The following USH2A variants were observed in gnomAD, a reference collection of about 807,000 sequenced individuals.
The protein encoded by USH2A is usherin, also known as Usher syndrome 2A (autosomal recessive, mild).
USH2A carries 443 observed loss-of-function variants against 538.9 expected under a neutral mutation model. That is an observed-to-expected ratio of 0.82 (90% CI 0.76 to 0.89). The LOEUF (loss-of-function observed/expected upper bound fraction) is 0.89, where lower values mean the gene tolerates loss of function less well. USH2A is among the 40% of genes least tolerant of loss of function. USH2A has a pLI of 0.00. For synonymous variants in USH2A, 2,413 were observed against 2,273.5 expected (o/e 1.06, Z -1.75); for missense variants, 6,633 against 6,324.8 (o/e 1.05, Z -1.65).
intron 34 of USH2A, among the ~76,000 whole-genome samples, chr1:215,995,991 A>T (rs1337454282): frequency 6.6e-6 from 1 of 152,108 alleles, no homozygotes; most frequent in African/African-American, 2.4e-5. Flanking sequence ...GATCACTGCA[A>T]CCTCTGCCTC....
chr1:215,905,650 C>A (rs1033940301), intron 38 of USH2A, among the ~76,000 whole-genome samples: 1 of 152,064 alleles, frequency 6.6e-6, no homozygotes, highest in Non-Finnish European at 1.5e-5. Flanking sequence ...CCCTGGCTTG[C>A]AGAAGCACTG....
chr1:216,421,634 A>G (rs745550109), intron 2 of USH2A, among the ~76,000 whole-genome samples: 37 of 152,130 alleles, frequency 2.4e-4, no homozygotes, highest in Non-Finnish European at 4.9e-4. Flanking sequence ...GCATAAACAC[A>G]TTTGCCTTTG....
intron 21 of USH2A, among the ~76,000 whole-genome samples, chr1:216,135,219 T>G (rs2033462133): frequency 6.6e-6 from 1 of 151,514 alleles, no homozygotes; most frequent in African/African-American, 2.4e-5. Context: ...TAAGTGTATA[T>G]AAATTCCTCC....
rs1429062034 is a variant in USH2A, at chr1:215,675,371, G to C, written c.12540C>G (p.Asn4180Lys). The C allele has an allele frequency of 6.2e-7, 1 of 1,613,970 alleles. No homozygotes were observed. The highest frequency in any genetic ancestry group is 1.3e-5 in the African/African-American group (1 of 74,900). Residue 4180 changes from asparagine (N) to lysine (K), a missense_variant, in exon 63 of 72, where the codon AAC (asparagine) becomes AAG (lysine). Asn to Lys is a moderately conservative substitution (Grantham distance 94). Coordinates refer to ENST00000307340, the MANE Select transcript of USH2A (RefSeq NM_206933.4). ...CATAGCGAATTATTTTTCCATTTGGGTTAACAGGCTCAGACCAGCTCAGCT... is the reference window on the plus strand; with the variant it reads ...CATAGCGAATTATTTTTCCATTTGGCTTAACAGGCTCAGACCAGCTCAGCT... ...SVELSWSEPV[N>K]PNGKIIRYEV...
intron 21 of USH2A, among the ~76,000 whole-genome samples, chr1:216,157,120 C>T (rs2033963018): frequency 6.6e-6 from 1 of 152,164 alleles, no homozygotes; most frequent in South Asian, 2.1e-4. Context: ...GATCCACCCA[C>T]CTCGGCCTCC....
At chr1:216,278,612 T>G (rs1199680008) in intron 11 of USH2A, among the ~76,000 whole-genome samples, 1 of 152,214 alleles carries the variant, frequency 6.6e-6, no homozygotes, top group Non-Finnish European at 1.5e-5. Flanking sequence ...CTCTCCTCTT[T>G]TCACATCCTT....
chr1:216,129,793 C>T (rs2102601291), intron 21 of USH2A, among the ~76,000 whole-genome samples: 1 of 152,040 alleles, frequency 6.6e-6, no homozygotes, highest in East Asian at 1.9e-4. Context: ...CATCACATTA[C>T]CTGACTTCAA....
Position 216,084,814 on chromosome 1 carries a change from G to A in USH2A, c.5051C>T (p.Pro1684Leu), listed in dbSNP as rs771088957. ...KDVHFMKNYNPSAIWEPLDWQ... is the reference protein window; with the variant it reads ...KDVHFMKNYNLSAIWEPLDWQ... Reference sequence around the variant, plus strand: ...ATCCAGAGGTTCCCAAATAGCTGACGGATTGTAATTCTTCATAAAATGTAC... The same window carrying A: ...ATCCAGAGGTTCCCAAATAGCTGACAGATTGTAATTCTTCATAAAATGTAC... Residue 1684 changes from proline to leucine, a missense_variant, in exon 25 of 72, where the codon CCG becomes CTG. Physicochemically the swap from Pro to Leu is moderately conservative, Grantham distance 98. Transcript: ENST00000307340. 3.8e-5 allele frequency: 62 copies of A among 1,613,330 alleles called. No individual in the cohort carries two copies. The South Asian group carries it at 4.7e-4, about 12-fold the overall frequency.
Position 215,889,193 on chromosome 1 carries a change from G to A in USH2A, c.7595-139C>T. The A allele has an allele frequency of 3.0e-6, 3 of 1,015,766 alleles. No individual in the cohort carries two copies. In the East Asian group the frequency reaches 7.8e-5, roughly 26 times the overall value. The allele number at this position is 1,015,766 out of a possible 1,614,324, so 62.9% of individuals were successfully genotyped here. A position where few individuals can be genotyped will look rare whatever the true frequency, so the allele number is the denominator to read the frequency against. ...AAGGCCAATAAGTAAATAAATAAGT[G>A]CCATAAAGACAAGGACTGTGATTGC... is the stretch of plus-strand genomic sequence containing the variant. On this transcript the variant is annotated intron_variant, in intron 40 of 71. Coordinates refer to ENST00000307340, the MANE Select transcript of USH2A (RefSeq NM_206933.4).
chr1:215,934,289 C>G (rs909536029), intron 38 of USH2A, among the ~76,000 whole-genome samples: 1 of 151,840 alleles, frequency 6.6e-6, no homozygotes, highest in Non-Finnish European at 1.5e-5. Flanking sequence ...CTTTAAGTAA[C>G]GCCTTGAACA....
At chr1:215,854,251 T>C (rs1348240630) in intron 44 of USH2A, among the ~76,000 whole-genome samples, 1 of 152,108 alleles carries the variant, frequency 6.6e-6, no homozygotes, top group African/African-American at 2.4e-5. Flanking sequence ...TCAGATCTCA[T>C]TAGACTTATT....
chr1:215,848,103 A>G (rs751764784), intron 44 of USH2A, among the ~76,000 whole-genome samples: 7 of 152,176 alleles, frequency 4.6e-5, no homozygotes, highest in Non-Finnish European at 8.8e-5. Flanking sequence ...AAAATCCCTT[A>G]ACATTTTCCT....
chr1:215,873,472 T>A (rs1664674639), intron 43 of USH2A, among the ~76,000 whole-genome samples: 1 of 152,204 alleles, frequency 6.6e-6, no homozygotes, highest in Non-Finnish European at 1.5e-5. Context: ...AAGATGCAGA[T>A]GTCATCTATA....
At chr1:216,232,222 A>G in intron 13 of USH2A, 86 bp from the exon 14 acceptor site, 1 of 1,412,530 alleles carries the variant, frequency 7.1e-7, no homozygotes, top group Non-Finnish European at 9.6e-7. Context: ...ACAGAAAAAC[A>G]GAATACTCTA....
rs1656943603 is a variant in USH2A at position 215,648,689 on chromosome 1, GGCCTCTACTCCAA to G, written c.14408_14420del (p.Ile4803ThrfsTer16). 1 of 1,614,084 alleles carries G rather than the reference GGCCTCTACTCCAA, an allele frequency of 6.2e-7. No homozygotes were observed. Among genetic ancestry groups the G allele is most frequent in the Non-Finnish European group, 8.5e-7 (1 of 1,180,038 alleles). On this transcript the variant is annotated frameshift_variant, in exon 66 of 72. Coordinates refer to ENST00000307340, the MANE Select transcript of USH2A (RefSeq NM_206933.4). LOFTEE classifies it high-confidence loss of function. ...TGCTGCAACAGTTGAAGCAGGTGCA[GGCCTCTACTCCAA>G]TAGAGTAGTTAGTGAAGGCTTGAAG...
At chr1:215,977,660 C>T (rs887283389) in intron 35 of USH2A, among the ~76,000 whole-genome samples, 2 of 151,870 alleles carry the variant, frequency 1.3e-5, no homozygotes, top group African/African-American at 4.8e-5. Flanking sequence ...TTATAGGTGC[C>T]CGCCATCACG....
chr1:215,747,282 A>AT (rs1331930338), intron 58 of USH2A, among the ~76,000 whole-genome samples: 2 of 152,284 alleles, frequency 1.3e-5, no homozygotes, highest in East Asian at 3.9e-4. Flanking sequence ...GTTCTATACT[A>AT]TTTTTCTCCA....
chr1:216,386,480 G>A (rs924311049), intron 3 of USH2A, among the ~76,000 whole-genome samples: 6 of 115,104 alleles, frequency 5.2e-5, no homozygotes, highest in Admixed American at 4.0e-4. Context: ...AGCGAGACTC[G>A]TCTCAAAAAA....
At chr1:216,366,940 T>C (rs1200387079) in intron 3 of USH2A, among the ~76,000 whole-genome samples, 3 of 152,170 alleles carry the variant, frequency 2.0e-5, no homozygotes, top group Non-Finnish European at 4.4e-5. Flanking sequence ...ATACAGGCTT[T>C]TCTACTTTGT....
Sources: allele counts gnomAD v4.1 joint callset (sites outside exome capture counted in the v4.1 genomes callset), GRCh38; gene constraint gnomAD v4.1.1; transcripts MANE v1.5; gene names NCBI Gene and HGNC (gene_info 2026-07-23, HGNC 2026-07-21).